The following SLC27A1 variants were observed in gnomAD, a reference collection of about 807,000 sequenced individuals.
SLC27A1 encodes the protein solute carrier family 27 member 1.
SLC27A1 carries 61 observed loss-of-function variants against 62.2 expected under a neutral mutation model. The ratio of observed to expected loss-of-function variants is 0.98; its 90% CI spans 0.80 to 1.21. SLC27A1 has a LOEUF of 1.21. Among genes scored for constraint, SLC27A1 ranks in the 50% most tolerant of loss-of-function variants. The pLI, the probability that SLC27A1 is intolerant of heterozygous loss-of-function variation, is 0.00. For synonymous variants in SLC27A1, 435 were observed against 408.6 expected (o/e 1.06, Z -0.78); for missense variants, 903 against 932.1 (o/e 0.97, Z 0.41).
intron 7 of SLC27A1, chr19:17,499,249 C>T (rs1820804): frequency 0.33 from 54,135 of 162,142 alleles, 9,403 homozygotes; most frequent in South Asian, 0.4. Context: ...TGGCCCTGTC[C>T]GGGCATAACA....
intron 1 of SLC27A1, among the ~76,000 whole-genome samples, chr19:17,475,281 A>G (rs964037067): frequency 2.6e-5 from 4 of 152,156 alleles, no homozygotes; most frequent in African/African-American, 9.6e-5. Context: ...AGGCTCGTGC[A>G]TATAATTCCA....
intron 11 of SLC27A1, among the ~76,000 whole-genome samples, chr19:17,504,244 G>A (rs574467560): frequency 6.6e-6 from 1 of 152,286 alleles, no homozygotes; most frequent in African/African-American, 2.4e-5. Flanking sequence ...TCTTGCCCTG[G>A]TGAGGAGTGG....
chr19:17,494,707 A>C (rs1306111075), intron 6 of SLC27A1, among the ~76,000 whole-genome samples: 1 of 151,974 alleles, frequency 6.6e-6, no homozygotes, highest in African/African-American at 2.4e-5. Flanking sequence ...TTTGCAGCCC[A>C]ATCTTCCAGG....
intron 7 of SLC27A1, 112 bp from the exon 8 acceptor site, chr19:17,500,166 A>G: frequency 6.7e-7 from 1 of 1,493,504 alleles, no homozygotes; most frequent in Non-Finnish European, 9.0e-7. Flanking sequence ...CACAGAGCTT[A>G]GAATGACACT....
At chr19:17,484,971 C>G (rs2144570317) in intron 1 of SLC27A1, among the ~76,000 whole-genome samples, 1 of 152,148 alleles carries the variant, frequency 6.6e-6, no homozygotes, top group Admixed American at 6.5e-5. Context: ...TTGGTCAGGG[C>G]TGGGCAGGGC....
chr19:17,483,104 ATGAG>A (rs1433459137), intron 1 of SLC27A1, among the ~76,000 whole-genome samples: 2 of 152,042 alleles, frequency 1.3e-5, no homozygotes, highest in African/African-American at 2.4e-5. Flanking sequence ...GAATGAATGA[ATGAG>A]GGAATGAGGG....
rs2075465104 is a variant in SLC27A1 at position 17,505,163 on chromosome 19, G to A, written c.*551G>A. ...CTGGCCTCGGCCTCCCAGAGTGCTGGGATTATAGGCGTGAGCCTCTGGCCC... is the reference window on the plus strand; with the variant it reads ...CTGGCCTCGGCCTCCCAGAGTGCTGAGATTATAGGCGTGAGCCTCTGGCCC... On this transcript the variant is annotated 3_prime_UTR_variant, in exon 12 of 12. Coordinates refer to ENST00000252595, the MANE Select transcript of SLC27A1 (RefSeq NM_198580.3). The A allele has an allele frequency of 9.1e-6, 3 of 331,488 alleles. No homozygotes were observed. 20.5% of individuals were successfully genotyped at this position (331,488 alleles called of 1,614,324 possible).
chr19:17,505,677 G>C lies in SLC27A1; in HGVS notation c.*1065G>C, dbSNP rs2075472374. The stretch of plus-strand genomic sequence containing the variant: ...CTCCTGCTGGAGGGCCCTGAACCCT[G>C]CACTGCGTGGCTGCCCAGCCAGCTG... On this transcript the variant is annotated 3_prime_UTR_variant, in exon 12 of 12. Coordinates refer to ENST00000252595, the MANE Select transcript of SLC27A1 (RefSeq NM_198580.3). 1 of 152,974 alleles carries C rather than the reference G, an allele frequency of 6.5e-6. No homozygotes were observed. Among genetic ancestry groups the C allele is most frequent in the Admixed American group, 6.5e-5 (1 of 15,272 alleles). 9.5% of individuals were successfully genotyped at this position (152,974 alleles called of 1,614,324 possible).
intron 4 of SLC27A1, among the ~76,000 whole-genome samples, chr19:17,488,259 T>G (rs1306736746): frequency 6.6e-6 from 1 of 152,212 alleles, no homozygotes. Flanking sequence ...CTCGGGAGGC[T>G]GAGGCAGGAG....
At chr19:17,484,038 T>C (rs903771378) in intron 1 of SLC27A1, 2 of 152,412 alleles carry the variant, frequency 1.3e-5, no homozygotes. Context: ...CCCAGAGGAC[T>C]GTGAACCCCA....
chr19:17,500,060 GTCTTC>G, intron 7 of SLC27A1: 2 of 669,406 alleles, frequency 3.0e-6, no homozygotes, highest in Non-Finnish European at 4.9e-6. Flanking sequence ...CCAGCCAGAG[GTCTTC>G]TCTTGACTGA....
At chr19:17,473,397 G>T (rs989801249) in intron 1 of SLC27A1, among the ~76,000 whole-genome samples, 20 of 152,192 alleles carry the variant, frequency 1.3e-4, no homozygotes, top group Non-Finnish European at 1.2e-4. Flanking sequence ...GTTAAGGAAA[G>T]ATCTTATTTT....
chr19:17,494,196 GT>G lies in SLC27A1; in HGVS notation c.997-3058del, dbSNP rs1422556164. ...ACCACACCTGGCTAATTTTTTTTTT[GT>G]ATTTTTTAGTACAGACAGGGTTTCA... On this transcript the variant is annotated intron_variant, in intron 6 of 11. Transcript: ENST00000252595. Among the ~76,000 whole-genome samples the G allele has an allele frequency of 2.1e-5, 3 of 145,000 alleles. No individual in the cohort carries two copies. The East Asian group carries it at 6.1e-4, about 30-fold the overall frequency.
In SLC27A1 at chr19:17,487,447, G is replaced by C; in HGVS notation, c.725-13G>C. 1 of 1,560,724 alleles carries C rather than the reference G, an allele frequency of 6.4e-7. No individual in the cohort carries two copies. Among genetic ancestry groups the C allele is most frequent in the African/African-American group, 1.6e-5 (1 of 62,906 alleles). ...TGCTCAGGCCCCACCCCTAACACCTGTATCTCCTGCAGATCGTCTTTTCTA... is the reference window on the plus strand; with the variant it reads ...TGCTCAGGCCCCACCCCTAACACCTCTATCTCCTGCAGATCGTCTTTTCTA... On this transcript the variant is annotated splice_polypyrimidine_tract_variant and intron_variant, in intron 3 of 11. Coordinates refer to ENST00000252595, the MANE Select transcript of SLC27A1 (RefSeq NM_198580.3).
chr19:17,482,472 G>A (rs144548081), intron 1 of SLC27A1, among the ~76,000 whole-genome samples: 3,267 of 152,156 alleles, frequency 0.021, 64 homozygotes, highest in Middle Eastern at 0.048. Flanking sequence ...CTAACATGGT[G>A]AAACCCCGTC....
Position 17,470,691 on chromosome 19 carries a change from G to T in SLC27A1, c.151G>T (p.Ala51Ser). 6.3e-7 allele frequency: 1 copy of T among 1,583,138 alleles called. No homozygotes were observed. The highest frequency in any genetic ancestry group is 8.5e-7 in the Non-Finnish European group (1 of 1,170,824). ...CTTCCTGCGCATCGTCTGCAAGACC[G>T]CGAGGCGAGACCTCTTGTGAGTGTT... ...WRFLRIVCKT[A>S]RRDLFGLSVL... is the part of the protein sequence containing the mutation. The change falls in exon 1 of 12, where the codon GCG becomes TCG. Residue 51 changes from alanine to serine, a missense_variant. By Grantham distance (99) the Ala-to-Ser change is moderately conservative (BLOSUM62 1). Transcript: ENST00000252595.
At position 17,486,499 on chromosome 19, in the gene SLC27A1, A is replaced by T; in HGVS notation, c.168-64A>T. 6.7e-7 allele frequency: 1 copy of T among 1,489,052 alleles called. No homozygotes were observed. The highest frequency in any genetic ancestry group is 1.4e-5 in the African/African-American group (1 of 71,856). The allele number at this position is 1,489,052 out of a possible 1,614,324, so 92.2% of individuals were successfully genotyped here. ...CTGGGGTCCTCCAGCGGGGAGGCTG[A>T]GGCTCCCAGAGGCCAGGCGGGGCAG... On this transcript the variant is annotated intron_variant, in intron 1 of 11. Transcript: ENST00000252595. The surrounding 1 kb of genome is among the most constrained non-coding windows in gnomAD (Gnocchi z 6.6).
At chr19:17,492,917 G>A (rs941196490) in intron 6 of SLC27A1, among the ~76,000 whole-genome samples, 2 of 151,848 alleles carry the variant, frequency 1.3e-5, no homozygotes, top group African/African-American at 2.4e-5. Context: ...TCCAGCCTGG[G>A]CAACGAGAGC....
At position 17,487,303 on chromosome 19, in the gene SLC27A1, C is replaced by T. The variant is rs781253494; in HGVS notation, c.692C>T (p.Pro231Leu). 2 of 1,612,954 alleles carry T rather than the reference C, an allele frequency of 1.2e-6. No homozygotes were observed. The highest frequency in any genetic ancestry group is 1.7e-6 in the Non-Finnish European group (2 of 1,179,632). Residue 231 changes from proline (P) to leucine (L), a missense_variant, in exon 3 of 12, where the codon CCC (proline) becomes CTC (leucine). Transcript: ENST00000252595. ...DPLLKEASTA[P>L]LAQIPSKGMD... Reference sequence around the variant, plus strand: ...CTGCTGAAGGAGGCCTCTACTGCCCCCTTGGCACAGATCCCCAGCAAGGGC... The same window carrying T: ...CTGCTGAAGGAGGCCTCTACTGCCCTCTTGGCACAGATCCCCAGCAAGGGC...
Sources: allele counts gnomAD v4.1 joint callset (sites outside exome capture counted in the v4.1 genomes callset), GRCh38; gene constraint gnomAD v4.1.1; non-coding constraint Gnocchi (gnomAD v3.1); transcripts MANE v1.5; gene names NCBI Gene and HGNC (gene_info 2026-07-23, HGNC 2026-07-21).